Variants in OR14A2 observed in about 807,000 individuals in gnomAD.
OR14A2 encodes olfactory receptor family 14 subfamily A member 2.
For missense variants in OR14A2, 237 were observed against 152.9 expected (o/e 1.55, Z -2.90); for synonymous variants, 114 against 58.6 (o/e 1.95, Z -4.32).
chr1:247,736,743 G>C, the OR14A2 span, among the ~76,000 whole-genome samples: 1 of 151,972 alleles, frequency 6.6e-6, no homozygotes, highest in East Asian at 1.9e-4. Context: ...GGTAGCTCTT[G>C]GGGTATTTTG....
chr1:247,731,091 T>C, the OR14A2 span, among the ~76,000 whole-genome samples: 1 of 152,152 alleles, frequency 6.6e-6, no homozygotes, highest in Non-Finnish European at 1.5e-5. Flanking sequence ...ATATTTCTTG[T>C]ATTATTTATT....
At chr1:247,734,475 T>C in the OR14A2 span, among the ~76,000 whole-genome samples, 1 of 152,178 alleles carries the variant, frequency 6.6e-6, no homozygotes. Context: ...TATCTACTGA[T>C]TAATTTAACA....
At chr1:247,723,891 T>C (rs779615501) in exon 1 of OR14A2, 1 of 717,522 alleles carries the variant, frequency 1.4e-6, no homozygotes, top group South Asian at 1.5e-5. Context: ...TTTGGAGCTT[T>C]ACGTCCAGGG....
At chr1:247,735,944 C>G in the OR14A2 span, among the ~76,000 whole-genome samples, 16 of 152,264 alleles carry the variant, frequency 1.1e-4, no homozygotes, top group East Asian at 2.9e-3. Context: ...TTCTTCTCTT[C>G]TGAAATTATT....
upstream of OR14A2, among the ~76,000 whole-genome samples, chr1:247,725,304 T>C (rs973996088): frequency 6.6e-6 from 1 of 152,066 alleles, no homozygotes; most frequent in East Asian, 1.9e-4. Flanking sequence ...TTGGATCACA[T>C]GTGGAGAAGC....
At chr1:247,728,376 C>T (rs1249121344), upstream of OR14A2, among the ~76,000 whole-genome samples, 1 of 151,964 alleles carries the variant, frequency 6.6e-6, no homozygotes, top group Admixed American at 6.6e-5. Context: ...TTCAACAACC[C>T]TTCATGCTAA....
chr1:247,738,877 A>G, the OR14A2 span: 1 of 777,150 alleles, frequency 1.3e-6, no homozygotes, highest in East Asian at 2.4e-5. Context: ...GCCTCCACTG[A>G]CTCCATCTCC....
At chr1:247,737,809 T>C in the OR14A2 span, among the ~76,000 whole-genome samples, 3 of 152,266 alleles carry the variant, frequency 2.0e-5, no homozygotes, top group African/African-American at 7.2e-5. Context: ...TCTCTGAATG[T>C]CTATCACATA....
the OR14A2 span, chr1:247,747,113 T>C: frequency 6.6e-6 from 1 of 152,214 alleles, no homozygotes; most frequent in South Asian, 2.1e-4. Flanking sequence ...TTAAAAAACA[T>C]CTTCTAATAT....
chr1:247,740,030 T>C, the OR14A2 span, among the ~76,000 whole-genome samples: 3 of 152,180 alleles, frequency 2.0e-5, no homozygotes, highest in African/African-American at 7.2e-5. Context: ...ACTTCTTCAC[T>C]TGACATCTGT....
chr1:247,735,221 T>C, the OR14A2 span, among the ~76,000 whole-genome samples: 2 of 152,294 alleles, frequency 1.3e-5, no homozygotes, highest in South Asian at 4.1e-4. Context: ...AAAAGAAAGA[T>C]CCAAGGGAAG....
At chr1:247,746,483 T>G in the OR14A2 span, 1 of 152,190 alleles carries the variant, frequency 6.6e-6, no homozygotes, top group African/African-American at 2.4e-5. Flanking sequence ...TTCAGAAGCC[T>G]TGTATGATGC....
chr1:247,731,509 A>G, the OR14A2 span, among the ~76,000 whole-genome samples: 1 of 151,462 alleles, frequency 6.6e-6, no homozygotes, highest in African/African-American at 2.4e-5. Flanking sequence ...ACAGATTTCT[A>G]TTTCCCTCAG....
chr1:247,728,900 A>G (rs1013817447), upstream of OR14A2, among the ~76,000 whole-genome samples: 16 of 152,084 alleles, frequency 1.1e-4, no homozygotes, highest in African/African-American at 3.6e-4. Context: ...TGAAATTAAA[A>G]CAAAACATCT....
chr1:247,725,778 G>A (rs1185073407), upstream of OR14A2, among the ~76,000 whole-genome samples: 57 of 128,658 alleles, frequency 4.4e-4, no homozygotes, highest in African/African-American at 1.7e-3. Context: ...GAGAATATGC[G>A]GTGTTTGGTT....
chr1:247,740,584 T>C, the OR14A2 span, among the ~76,000 whole-genome samples: 6 of 152,356 alleles, frequency 3.9e-5, no homozygotes, highest in Admixed American at 3.3e-4. Flanking sequence ...TTTCATAATG[T>C]ATTAGAATTA....
At chr1:247,725,520 A>T (rs1321566085), upstream of OR14A2, among the ~76,000 whole-genome samples, 2 of 148,092 alleles carry the variant, frequency 1.4e-5, no homozygotes, top group African/African-American at 5.1e-5. Context: ...TTTATTTTTT[A>T]TTTATTTATT....
At chr1:247,728,243 TC>T (rs1443502241), upstream of OR14A2, among the ~76,000 whole-genome samples, 1 of 152,162 alleles carries the variant, frequency 6.6e-6, no homozygotes, top group African/African-American at 2.4e-5. Flanking sequence ...GTGGGCTTCA[TC>T]CCTGGGATGC....
the OR14A2 span, among the ~76,000 whole-genome samples, chr1:247,741,851 G>A: frequency 5.3e-4 from 80 of 152,228 alleles, no homozygotes; most frequent in Middle Eastern, 3.4e-3. Context: ...TTTACGAAAC[G>A]TTCATTGTAC....
Sources: allele counts gnomAD v4.1 joint callset (sites outside exome capture counted in the v4.1 genomes callset), GRCh38; gene constraint gnomAD v4.1.1; transcripts MANE v1.5; gene names NCBI Gene and HGNC (gene_info 2026-07-23, HGNC 2026-07-21).